The following EIF3CL variants were observed in gnomAD, a reference collection of about 807,000 sequenced individuals.
EIF3CL encodes eukaryotic translation initiation factor 3 subunit C-like protein.
For synonymous variants in EIF3CL, 2 were observed against 19.6 expected (o/e 0.10, Z 2.37); for missense variants, 5 against 56.1 (o/e 0.09, Z 2.91).
chr16:28,416,771 C>G, the EIF3CL span, among the ~76,000 whole-genome samples: 1 of 114,764 alleles, frequency 8.7e-6, no homozygotes, highest in African/African-American at 3.1e-5. Flanking sequence ...GGTCAGCCCC[C>G]CCACCCGGCC....
chr16:28,416,519 GC>G, the EIF3CL span, among the ~76,000 whole-genome samples: 1 of 23,300 alleles, frequency 4.3e-5, no homozygotes, highest in Non-Finnish European at 8.5e-5. Flanking sequence ...GATGTGAGGA[GC>G]GCCTCTGCCC....
the EIF3CL span, among the ~76,000 whole-genome samples, chr16:28,425,619 T>A: frequency 1.0e-5 from 1 of 99,772 alleles, no homozygotes; most frequent in South Asian, 2.7e-4. Flanking sequence ...AGTCCCCAAA[T>A]GCTATCCTTG....
chr16:28,421,852 C>A, the EIF3CL span, among the ~76,000 whole-genome samples: 1 of 134,682 alleles, frequency 7.4e-6, no homozygotes, highest in Non-Finnish European at 1.6e-5. Flanking sequence ...GGATTTTTCT[C>A]TTGCTATCTG....
At chr16:28,417,157 C>T in the EIF3CL span, among the ~76,000 whole-genome samples, 5 of 141,962 alleles carry the variant, frequency 3.5e-5, no homozygotes, top group Admixed American at 2.1e-4. Flanking sequence ...GGTCAGCCCC[C>T]CGCCCGGCCA....
the EIF3CL span, among the ~76,000 whole-genome samples, chr16:28,424,009 A>G: frequency 8.2e-6 from 1 of 121,756 alleles, no homozygotes; most frequent in Non-Finnish European, 1.7e-5. Context: ...TTTTTTTGAG[A>G]TGGAGTCTCA....
At chr16:28,421,718 C>G in the EIF3CL span, among the ~76,000 whole-genome samples, 1 of 75,410 alleles carries the variant, frequency 1.3e-5, no homozygotes, top group Non-Finnish European at 2.7e-5. Context: ...CTACTTGATG[C>G]TCAGTATCAT....
At chr16:28,418,790 C>T in the EIF3CL span, among the ~76,000 whole-genome samples, 21 of 147,500 alleles carry the variant, frequency 1.4e-4, no homozygotes, top group South Asian at 4.3e-4. Flanking sequence ...CCACCACACT[C>T]GGCTAATTTT....
chr16:28,405,882 TACAC>T (rs374626829), upstream of EIF3CL, among the ~76,000 whole-genome samples: 17 of 149,508 alleles, frequency 1.1e-4, no homozygotes, highest in Middle Eastern at 3.5e-3. Context: ...TCTTTGTGTA[TACAC>T]ACACACACAC....
chr16:28,419,048 C>G, the EIF3CL span, among the ~76,000 whole-genome samples: 3 of 143,574 alleles, frequency 2.1e-5, no homozygotes, highest in African/African-American at 7.7e-5. Context: ...CCTCTGTTGC[C>G]CAGGCTGGAG....
chr16:28,416,655 G>A, the EIF3CL span, among the ~76,000 whole-genome samples: 43 of 85,868 alleles, frequency 5.0e-4, no homozygotes, highest in Non-Finnish European at 7.0e-4. Flanking sequence ...CCCGGCAGCC[G>A]CCCCGTCTGA....
the EIF3CL span, among the ~76,000 whole-genome samples, chr16:28,426,136 C>G: frequency 9.7e-6 from 1 of 102,778 alleles, no homozygotes; most frequent in African/African-American, 3.9e-5. Context: ...CAACAACAAC[C>G]AAAAAACACC....
chr16:28,382,572 G>A (rs1394692792), intron 16 of EIF3CL, among the ~76,000 whole-genome samples: 1 of 111,128 alleles, frequency 9.0e-6, no homozygotes, highest in Admixed American at 1.1e-4. Flanking sequence ...ACATGACCAG[G>A]AGAGGACAAA....
At chr16:28,422,716 A>C in the EIF3CL span, among the ~76,000 whole-genome samples, 3 of 143,046 alleles carry the variant, frequency 2.1e-5, no homozygotes, top group South Asian at 6.4e-4. Flanking sequence ...GGGCACCTGT[A>C]ATCCCAGCTA....
intron 15 of EIF3CL, among the ~76,000 whole-genome samples, chr16:28,384,840 A>G (rs2141651594): frequency 9.3e-6 from 1 of 107,788 alleles, no homozygotes. Context: ...GGAGATCAAT[A>G]CCAGTCATAA....
At chr16:28,417,965 C>T in the EIF3CL span, among the ~76,000 whole-genome samples, 1 of 140,332 alleles carries the variant, frequency 7.1e-6, no homozygotes, top group Non-Finnish European at 1.6e-5. Context: ...ATCTCTTGAA[C>T]CAAGGAGGTG....
the EIF3CL span, among the ~76,000 whole-genome samples, chr16:28,419,183 T>A: frequency 6.6e-6 from 1 of 150,398 alleles, no homozygotes; most frequent in African/African-American, 2.5e-5. Context: ...ATTTTTTGTA[T>A]TTGTAGTAGA....
the EIF3CL span, among the ~76,000 whole-genome samples, chr16:28,426,100 C>CAT: frequency 8.9e-6 from 1 of 111,862 alleles, no homozygotes; most frequent in Admixed American, 1.0e-4. Context: ...CACACACACA[C>CAT]ATACACACAC....
chr16:28,417,841 AAACTC>A, the EIF3CL span, among the ~76,000 whole-genome samples: 23 of 148,260 alleles, frequency 1.6e-4, no homozygotes, highest in African/African-American at 5.6e-4. Context: ...AAAAAAAAAA[AAACTC>A]AAATAAAGTT....
At chr16:28,392,625 CA>C (rs984985576) in intron 8 of EIF3CL, among the ~76,000 whole-genome samples, 4 of 116,936 alleles carry the variant, frequency 3.4e-5, no homozygotes, top group South Asian at 2.5e-4. Context: ...CAAAACAAAA[CA>C]AAAAAAAACC....
Sources: gnomAD v4.1 joint callset for allele counts (sites outside exome capture counted in the v4.1 genomes callset) on GRCh38, gnomAD v4.1.1 for gene constraint, MANE v1.5 for transcripts, NCBI Gene and HGNC (gene_info 2026-07-23, HGNC 2026-07-21) for gene names.